Variants in ZNF362 observed in about 807,000 individuals in gnomAD.
ZNF362 encodes the protein rotund homolog.
ZNF362 carries 11 observed loss-of-function variants against 42.9 expected under a neutral mutation model. The ratio of observed to expected loss-of-function variants is 0.26; its 90% CI spans 0.16 to 0.42. The LOEUF is 0.42. ZNF362 is among the 20% of genes least tolerant of loss of function. ZNF362 has a pLI of 1.00. For missense variants in ZNF362, 362 were observed against 576.2 expected (o/e 0.63, Z 3.81); for synonymous variants, 255 against 257.3 (o/e 0.99, Z 0.09).
chr1:33,139,332 T>C, the ZNF362 span, among the ~76,000 whole-genome samples: 333 of 152,246 alleles, frequency 2.2e-3, no homozygotes, highest in African/African-American at 7.8e-3. Flanking sequence ...TTAGCTACTT[T>C]TCAGCCAGAA....
the ZNF362 span, chr1:33,181,473 G>T: frequency 6.5e-7 from 1 of 1,540,544 alleles, no homozygotes; most frequent in East Asian, 2.4e-5. This position sits in a 1 kb window ranked among gnomAD's most constrained non-coding sequence, Gnocchi z 6.5. Flanking sequence ...AGGGGCAGGG[G>T]GGCGGCTGAG....
At chr1:33,253,920 T>C (rs1230350911), upstream of ZNF362, among the ~76,000 whole-genome samples, 4 of 152,198 alleles carry the variant, frequency 2.6e-5, no homozygotes, top group Non-Finnish European at 4.4e-5. Context: ...CATTTTTAGA[T>C]TTATAGAAAA....
chr1:33,189,679 ATATACG>A, the ZNF362 span, among the ~76,000 whole-genome samples: 14 of 47,048 alleles, frequency 3.0e-4, 1 homozygote, highest in Non-Finnish European at 5.1e-4. Context: ...ATATGTATAT[ATATACG>A]TATATATATA....
chr1:33,179,077 G>C, the ZNF362 span, among the ~76,000 whole-genome samples: 1 of 152,336 alleles, frequency 6.6e-6, no homozygotes, highest in South Asian at 2.1e-4. Context: ...ACTTCTCCAG[G>C]CCTCACTTTC....
At chr1:33,212,694 A>G in the ZNF362 span, among the ~76,000 whole-genome samples, 3 of 152,098 alleles carry the variant, frequency 2.0e-5, no homozygotes, top group Non-Finnish European at 4.4e-5. Flanking sequence ...ACACTTTTAA[A>G]CAACCAGATC....
the ZNF362 span, among the ~76,000 whole-genome samples, chr1:33,248,660 C>T: frequency 6.6e-6 from 1 of 152,206 alleles, no homozygotes; most frequent in African/African-American, 2.4e-5. Flanking sequence ...CTCCTCCCGG[C>T]ACACCTTTCA....
rs368070032 is a variant in ZNF362 at position 33,295,218 on chromosome 1, C to T, written c.1059C>T (p.Ser353=). Residue 353 remains serine (S), a synonymous_variant, in exon 8 of 9, where the codon TCC becomes TCT. Transcript: ENST00000539719. ...CPNCYRAYSD[S]ASLQIHLSAH... is the part of the protein sequence containing the mutation. The stretch of plus-strand genomic sequence containing the variant: ...ACTGCTACCGGGCCTATTCGGACTC[C>T]GCTTCTTTGCAGATCCACCTCTCGG... 3.1e-6 allele frequency: 5 copies of T among 1,614,120 alleles called. No individual in the cohort carries two copies. Among genetic ancestry groups the T allele is most frequent in the South Asian group, 1.1e-5 (1 of 91,090 alleles).
chr1:33,194,890 G>A, the ZNF362 span: 1 of 151,914 alleles, frequency 6.6e-6, no homozygotes, highest in Non-Finnish European at 1.5e-5. Flanking sequence ...AAATAGGGGA[G>A]AAGAAGCACC....
chr1:33,173,819 C>T, the ZNF362 span, among the ~76,000 whole-genome samples: 1 of 151,966 alleles, frequency 6.6e-6, no homozygotes, highest in Non-Finnish European at 1.5e-5. Flanking sequence ...CCTGCCTCAG[C>T]CTCCCAAGTA....
At chr1:33,133,311 G>T in the ZNF362 span, among the ~76,000 whole-genome samples, 6 of 152,236 alleles carry the variant, frequency 3.9e-5, 1 homozygote, top group South Asian at 6.2e-4. Context: ...AGAGGAAGGA[G>T]AGTTTCTCTT....
chr1:33,219,866 G>T, the ZNF362 span, among the ~76,000 whole-genome samples: 1 of 152,222 alleles, frequency 6.6e-6, no homozygotes, highest in Middle Eastern at 3.4e-3. Flanking sequence ...GGAGGAAATT[G>T]TTTCTGTCCT....
At position 33,292,663 on chromosome 1, in the gene ZNF362, C is replaced by A. The variant is rs549976275; in HGVS notation, c.909-2274C>A. 5.9e-5 allele frequency among the ~76,000 whole-genome samples: 9 copies of A among 152,290 alleles called. No homozygotes were observed. In the East Asian group the frequency reaches 1.7e-3, roughly 29 times the overall value. ...GGAATGGTACCAGCTCCTCCTTGTA[C>A]CTCTGGTAGAACTCGGCTGTGAATC... On this transcript the variant is annotated intron_variant, in intron 6 of 8. Transcript: ENST00000539719.
chr1:33,184,648 G>A, the ZNF362 span, among the ~76,000 whole-genome samples: 1 of 152,206 alleles, frequency 6.6e-6, no homozygotes, highest in Non-Finnish European at 1.5e-5. Flanking sequence ...CTGGGTTCCT[G>A]AATGACTGCA....
the ZNF362 span, among the ~76,000 whole-genome samples, chr1:33,132,657 C>T: frequency 6.6e-6 from 1 of 152,212 alleles, no homozygotes; most frequent in Non-Finnish European, 1.5e-5. Context: ...ACTTCTCATA[C>T]TCTGTTGTCA....
At chr1:33,238,381 T>TAAATA in the ZNF362 span, among the ~76,000 whole-genome samples, 54,173 of 98,152 alleles carry the variant, frequency 0.55, 17,370 homozygotes, top group Admixed American at 0.67. Flanking sequence ...TAAAATAAAA[T>TAAATA]AAATAAAATA....
At chr1:33,147,476 T>C in the ZNF362 span, 1 of 1,613,798 alleles carries the variant, frequency 6.2e-7, no homozygotes, top group Non-Finnish European at 8.5e-7. This position sits in a 1 kb window ranked among gnomAD's most constrained non-coding sequence, Gnocchi z 8.1. Flanking sequence ...ATCTGGATGC[T>C]GCCCTTGCGG....
chr1:33,177,037 A>G, the ZNF362 span, among the ~76,000 whole-genome samples: 2 of 74,674 alleles, frequency 2.7e-5, no homozygotes, highest in Non-Finnish European at 5.4e-5. The surrounding 1 kb of genome is among the most constrained non-coding windows in gnomAD (Gnocchi z 4.1). Flanking sequence ...ACACATACAC[A>G]TGCACACACA....
At chr1:33,192,741 G>A in the ZNF362 span, among the ~76,000 whole-genome samples, 2 of 152,030 alleles carry the variant, frequency 1.3e-5, no homozygotes, top group Non-Finnish European at 2.9e-5. Flanking sequence ...GATATGGATG[G>A]GGAACTGATA....
At chr1:33,170,367 G>T in the ZNF362 span, among the ~76,000 whole-genome samples, 1 of 151,774 alleles carries the variant, frequency 6.6e-6, no homozygotes, top group Admixed American at 6.6e-5. Context: ...TTCCAGCCTG[G>T]GTGACAGAGC....
Sources: allele counts gnomAD v4.1 joint callset (sites outside exome capture counted in the v4.1 genomes callset), GRCh38; gene constraint gnomAD v4.1.1; non-coding constraint Gnocchi (gnomAD v3.1); transcripts MANE v1.5; gene names NCBI Gene and HGNC (gene_info 2026-07-23, HGNC 2026-07-21).